The following NECTIN1 variants were observed in gnomAD, a reference collection of about 807,000 sequenced individuals.
The protein encoded by NECTIN1 is nectin cell adhesion molecule 1, also known as nectin-1.
NECTIN1 carries 23 observed loss-of-function variants against 48.0 expected under a neutral mutation model. That is an observed-to-expected ratio of 0.48 (90% CI 0.34 to 0.68). The LOEUF (loss-of-function observed/expected upper bound fraction) is 0.68, where lower values mean the gene tolerates loss of function less well. Ranked by LOEUF, NECTIN1 falls within the 30% of genes least tolerant of loss-of-function variation. The probability of loss-of-function intolerance (pLI) is 0.01; values close to 1 mark genes in which losing one functional copy is unlikely to be tolerated. For synonymous variants in NECTIN1, 270 were observed against 288.9 expected (o/e 0.93, Z 0.66); for missense variants, 591 against 709.9 (o/e 0.83, Z 1.90).
intron 7 of NECTIN1, chr11:119,638,334 T>C: frequency 1.3e-6 from 2 of 1,516,042 alleles, no homozygotes; most frequent in East Asian, 2.3e-5. Flanking sequence ...GGATTGGGAC[T>C]CCTCAGTTCC....
chr11:119,665,411 C>G lies in NECTIN1; in HGVS notation c.1004-114G>C. ...CCAGGAAGGACAGGCTGTCTGCACCCCAGGTTTGAGCAGCTCCAGTTCGAG... is the reference window on the plus strand; with the variant it reads ...CCAGGAAGGACAGGCTGTCTGCACCGCAGGTTTGAGCAGCTCCAGTTCGAG... On this transcript the variant is annotated intron_variant, in intron 5 of 5. Coordinates refer to ENST00000264025, the MANE Select transcript of NECTIN1 (RefSeq NM_002855.5). The surrounding 1 kb of genome is among the most constrained non-coding windows in gnomAD (Gnocchi z 5.1). The G allele has an allele frequency of 3.4e-6, 5 of 1,453,436 alleles. No homozygotes were observed. The highest frequency in any genetic ancestry group is 4.5e-6 in the Non-Finnish European group (5 of 1,106,694). The allele number at this position is 1,453,436 out of a possible 1,614,324, so 90.0% of individuals were successfully genotyped here.
chr11:119,687,595 TG>T (rs1435382074), intron 1 of NECTIN1, among the ~76,000 whole-genome samples: 1 of 152,172 alleles, frequency 6.6e-6, no homozygotes, highest in Non-Finnish European at 1.5e-5. Context: ...TGACACATTT[TG>T]GGGAGTGTAG....
Position 119,677,015 on chromosome 11 carries a change from G to T in NECTIN1, c.851+87C>A. The stretch of plus-strand genomic sequence containing the variant: ...ACCCTAATTTCTTCCCTGCCTAAAG[G>T]CTCCTGGAGGTAGGATGGTTGCCCC... On this transcript the variant is annotated intron_variant, in intron 4 of 5. Coordinates refer to ENST00000264025, the MANE Select transcript of NECTIN1 (RefSeq NM_002855.5). This position sits in a 1 kb window ranked among gnomAD's most constrained non-coding sequence, Gnocchi z 5.4. The T allele has an allele frequency of 1.7e-6, 2 of 1,175,818 alleles. No homozygotes were observed. The highest frequency in any genetic ancestry group is 2.6e-6 in the Non-Finnish European group (2 of 782,208). The allele number at this position is 1,175,818 out of a possible 1,614,324, so 72.8% of individuals were successfully genotyped here.
At chr11:119,721,134 T>C (rs1425047926) in intron 1 of NECTIN1, among the ~76,000 whole-genome samples, 1 of 152,220 alleles carries the variant, frequency 6.6e-6, no homozygotes, top group Non-Finnish European at 1.5e-5. Flanking sequence ...TGGGAGGCTG[T>C]TCTGTCCCCT....
intron 1 of NECTIN1, among the ~76,000 whole-genome samples, chr11:119,707,895 T>C (rs1315822897): frequency 1.3e-5 from 2 of 152,252 alleles, no homozygotes; most frequent in African/African-American, 2.4e-5. Context: ...GTGTCAAGCA[T>C]GGTGCTGGCA....
At chr11:119,699,518 CA>C (rs56295749) in intron 1 of NECTIN1, among the ~76,000 whole-genome samples, 152,314 of 152,316 alleles carry the variant, frequency 1, 76,156 homozygotes, top group Middle Eastern at 1. Context: ...CCCACCCCTG[CA>C]ACTCTGGCCC....
chr11:119,666,585 G>GC (rs1864775033), intron 5 of NECTIN1, among the ~76,000 whole-genome samples: 1 of 152,256 alleles, frequency 6.6e-6, no homozygotes, highest in African/African-American at 2.4e-5. Context: ...AGAGACCACA[G>GC]CTGGCCTCGG....
Position 119,709,442 on chromosome 11 carries a change from C to A in NECTIN1, c.79+19033G>T, listed in dbSNP as rs1048518242. On this transcript the variant is annotated intron_variant, in intron 1 of 5. Transcript: ENST00000264025. The surrounding 1 kb of genome is among the most constrained non-coding windows in gnomAD (Gnocchi z 4.1). ...TGCAGGGGCAGGGGCGCAGAGGAAG[C>A]CGAGACTACCCTCTAAAGAGTCCTT... Among the ~76,000 whole-genome samples the A allele has an allele frequency of 2.2e-4, 33 of 152,252 alleles. No homozygotes were observed. Among genetic ancestry groups the A allele is most frequent in the East Asian group, 1.6e-3 (8 of 5,156 alleles).
At chr11:119,666,588 G>A (rs1220368395) in intron 5 of NECTIN1, among the ~76,000 whole-genome samples, 2 of 152,254 alleles carry the variant, frequency 1.3e-5, no homozygotes, top group African/African-American at 2.4e-5. Context: ...GACCACAGCT[G>A]GCCTCGGTCA....
At chr11:119,687,880 C>A (rs986104569) in intron 1 of NECTIN1, among the ~76,000 whole-genome samples, 1 of 152,090 alleles carries the variant, frequency 6.6e-6, no homozygotes, top group East Asian at 1.9e-4. Context: ...GCTGCCTGCT[C>A]GGATGGCCGG....
At chr11:119,692,282 C>T (rs537877568) in intron 1 of NECTIN1, among the ~76,000 whole-genome samples, 17 of 152,366 alleles carry the variant, frequency 1.1e-4, no homozygotes, top group Admixed American at 9.8e-4. Flanking sequence ...TCGGGGCTCG[C>T]GCCCAGCTGC....
intron 5 of NECTIN1, among the ~76,000 whole-genome samples, chr11:119,670,644 C>CTT (rs56350355): frequency 0.055 from 6,273 of 113,846 alleles, 422 homozygotes; most frequent in African/African-American, 0.06. Flanking sequence ...TTCCTAAGTC[C>CTT]TTTTTTTTTT....
At chr11:119,651,686 C>T (rs1266429690) in intron 5 of NECTIN1, among the ~76,000 whole-genome samples, 3 of 152,164 alleles carry the variant, frequency 2.0e-5, no homozygotes, top group Non-Finnish European at 2.9e-5. Context: ...CCACACACCA[C>T]GCTTCTCTGG....
At chr11:119,716,991 A>G (rs976151942) in intron 1 of NECTIN1, among the ~76,000 whole-genome samples, 1 of 152,266 alleles carries the variant, frequency 6.6e-6, no homozygotes, top group Non-Finnish European at 1.5e-5. Context: ...TTATCATTAC[A>G]GCGCAAACTG....
At position 119,677,495 on chromosome 11, in the gene NECTIN1, G is replaced by A; in HGVS notation, c.733+60C>T. 1 of 1,550,830 alleles carries A rather than the reference G, an allele frequency of 6.4e-7. No homozygotes were observed. Among genetic ancestry groups the A allele is most frequent in the Non-Finnish European group, 8.9e-7 (1 of 1,124,502 alleles). ...GAGAAAGGGAGGAGAAAGGAGAGGA[G>A]GAGGGAGGAGGGACAGTGGCGCCCA... On this transcript the variant is annotated intron_variant, in intron 3 of 5. Transcript: ENST00000264025. This position sits in a 1 kb window ranked among gnomAD's most constrained non-coding sequence, Gnocchi z 5.4.
At chr11:119,695,273 A>G (rs920789408) in intron 1 of NECTIN1, among the ~76,000 whole-genome samples, 2 of 151,382 alleles carry the variant, frequency 1.3e-5, no homozygotes, top group African/African-American at 2.4e-5. Context: ...GTCCCTGCCC[A>G]TATTCCCATC....
In NECTIN1 at chr11:119,719,818, G is replaced by C. The variant is rs182093435; in HGVS notation, c.79+8657C>G. On this transcript the variant is annotated intron_variant, in intron 1 of 5. Coordinates refer to ENST00000264025, the MANE Select transcript of NECTIN1 (RefSeq NM_002855.5). Reference sequence around the variant, plus strand: ...GCAGGATGGAGAGTAATTGTTGGCAGGGGGTGGCATGGATGAGGCGCTGGG... The same window carrying C: ...GCAGGATGGAGAGTAATTGTTGGCACGGGGTGGCATGGATGAGGCGCTGGG... Among the ~76,000 whole-genome samples, 4 of 152,342 alleles carry C rather than the reference G, an allele frequency of 2.6e-5. No individual in the cohort carries two copies. The East Asian group carries it at 7.7e-4, about 29-fold the overall frequency.
At chr11:119,680,896 C>T (rs566308800) in intron 1 of NECTIN1, among the ~76,000 whole-genome samples, 8 of 152,346 alleles carry the variant, frequency 5.3e-5, no homozygotes, top group Non-Finnish European at 1.2e-4. Context: ...AGTATCCAGC[C>T]ACGAGTTGGG....
In NECTIN1 at chr11:119,664,466, G is replaced by C; in HGVS notation, c.*281C>G. On this transcript the variant is annotated 3_prime_UTR_variant, in exon 6 of 6. Transcript: ENST00000264025. The stretch of plus-strand genomic sequence containing the variant: ...AGACGAGAACAGGGCTCCCTACACA[G>C]AGGGCAGGCAGGTGGGGCCCGTAAA... The C allele has an allele frequency of 7.8e-7, 1 of 1,289,700 alleles. No individual in the cohort carries two copies. The highest frequency in any genetic ancestry group is 9.8e-7 in the Non-Finnish European group (1 of 1,016,298). 79.9% of individuals were successfully genotyped at this position (1,289,700 alleles called of 1,614,324 possible).
Sources: gnomAD v4.1 joint callset for allele counts (sites outside exome capture counted in the v4.1 genomes callset) on GRCh38, gnomAD v4.1.1 for gene constraint, Gnocchi (gnomAD v3.1) non-coding constraint, MANE v1.5 for transcripts, NCBI Gene and HGNC (gene_info 2026-07-23, HGNC 2026-07-21) for gene names.